Variants in CNR2 observed in about 807,000 individuals in gnomAD.
The protein encoded by CNR2 is cannabinoid receptor 2 (macrophage).
For missense variants in CNR2, 379 were observed against 439.9 expected, an observed-to-expected ratio of 0.86 and a Z score of 1.24; for synonymous variants, 172 against 182.2, an observed-to-expected ratio of 0.94 and a Z score of 0.45.
intron 1 of CNR2, among the ~76,000 whole-genome samples, chr1:23,912,405 T>C (rs1457859374): frequency 1.3e-5 from 2 of 152,186 alleles, no homozygotes; most frequent in African/African-American, 4.8e-5. Context: ...TGCCAGCCCC[T>C]GTCATTTCCT....
chr1:23,893,136 C>T lies in CNR2; in HGVS notation c.-45-17474G>A, dbSNP rs533535298. Among the ~76,000 whole-genome samples the T allele has an allele frequency of 8.5e-5, 13 of 152,272 alleles. No homozygotes were observed. The South Asian group carries it at 2.7e-3, about 32-fold the overall frequency. On this transcript the variant is annotated intron_variant, in intron 1 of 1. Transcript: ENST00000374472. ...GGGTTATCAAAGAAACTCAGTCTTC[C>T]CTGTGGGGCCGAAGGATTCCATCCC...
chr1:23,886,804 A>G (rs1434354618), intron 1 of CNR2, among the ~76,000 whole-genome samples: 1 of 152,274 alleles, frequency 6.6e-6, no homozygotes, highest in Admixed American at 6.5e-5. Context: ...TTATCCACAT[A>G]TCCCGAGTCA....
At chr1:23,899,916 A>G (rs1408542861) in intron 1 of CNR2, among the ~76,000 whole-genome samples, 2 of 4,296 alleles carry the variant, frequency 4.7e-4, no homozygotes, top group African/African-American at 5.4e-4. Flanking sequence ...AGAGAAAGAA[A>G]GAAAGAGAAA....
chr1:23,894,789 G>A (rs1037912526), intron 1 of CNR2, among the ~76,000 whole-genome samples: 20 of 151,368 alleles, frequency 1.3e-4, no homozygotes, highest in African/African-American at 4.8e-4. Flanking sequence ...AAGAAAGAAA[G>A]AAAAAGAAAC....
At chr1:23,884,982 A>G (rs1426583127) in intron 1 of CNR2, among the ~76,000 whole-genome samples, 2 of 151,990 alleles carry the variant, frequency 1.3e-5, no homozygotes, top group African/African-American at 4.8e-5. Context: ...TTGTGTTTTT[A>G]GTAGAGGTGG....
rs1639851654 is a variant in CNR2, at chr1:23,875,254, C to T, written c.364G>A (p.Gly122Ser). ...TCAATGGCGGTCAGCAGGAGGCTAC[C>T]CACAGAGGCTGTGAAGGTCATAGTC... Reference protein sequence around the residue: ...SVTMTFTASVGSLLLTAIDRY... With the variant: ...SVTMTFTASVSSLLLTAIDRY... Residue 122 changes from glycine to serine, a missense_variant, in exon 2 of 2, where the codon GGT (glycine) becomes AGT (serine). Physicochemically the swap from Gly to Ser is moderately conservative, Grantham distance 56. Coordinates refer to ENST00000374472, the MANE Select transcript of CNR2 (RefSeq NM_001841.3). 5 of 1,613,988 alleles carry T rather than the reference C, an allele frequency of 3.1e-6. No homozygotes were observed. Among genetic ancestry groups the T allele is most frequent in the Admixed American group, 3.3e-5 (2 of 59,992 alleles).
At chr1:23,912,131 T>C (rs887248543) in intron 1 of CNR2, among the ~76,000 whole-genome samples, 1 of 152,144 alleles carries the variant, frequency 6.6e-6, no homozygotes, top group African/African-American at 2.4e-5. Flanking sequence ...CTCAGGCCCA[T>C]GTTTCTCAGA....
chr1:23,910,472 T>C (rs888263905), intron 1 of CNR2, among the ~76,000 whole-genome samples: 8 of 151,270 alleles, frequency 5.3e-5, no homozygotes, highest in African/African-American at 1.7e-4. Context: ...CTGGCCAACA[T>C]GCAGAAACCC....
chr1:23,897,989 T>C (rs941547082), intron 1 of CNR2, among the ~76,000 whole-genome samples: 1 of 152,064 alleles, frequency 6.6e-6, no homozygotes, highest in African/African-American at 2.4e-5. Flanking sequence ...CCTTTTCTGT[T>C]GTTGTTCAAA....
At chr1:23,898,335 CTTT>C (rs557452268) in intron 1 of CNR2, among the ~76,000 whole-genome samples, 10 of 108,186 alleles carry the variant, frequency 9.2e-5, no homozygotes, top group African/African-American at 1.5e-4. Flanking sequence ...CCGCGCCCGG[CTTT>C]TTTTTTTTTT....
intron 1 of CNR2, among the ~76,000 whole-genome samples, chr1:23,901,282 T>A (rs1253474451): frequency 6.6e-6 from 1 of 152,110 alleles, no homozygotes; most frequent in Non-Finnish European, 1.5e-5. Flanking sequence ...GTACCAGAGA[T>A]GCCTAAGACT....
rs1299861030 is a variant in CNR2, at chr1:23,875,101, T to C, written c.517A>G (p.Thr173Ala). Residue 173 changes from threonine to alanine, a missense_variant, in exon 2 of 2, where the codon ACT becomes GCT. By Grantham distance (58) the Thr-to-Ala change is moderately conservative. Transcript: ENST00000374472. ...LVSYLPLMGW[T>A]CCPRPCSELF... ...TCAGAGCAGGGCCTGGGACAGCAAG[T>C]CCATCCCATGAGGGGCAGGTAGGAG... 6.2e-7 allele frequency: 1 copy of C among 1,601,262 alleles called. No individual in the cohort carries two copies. Among genetic ancestry groups the C allele is most frequent in the Admixed American group, 1.7e-5 (1 of 59,122 alleles).
intron 1 of CNR2, among the ~76,000 whole-genome samples, chr1:23,898,920 T>C (rs1640335826): frequency 6.6e-6 from 1 of 152,120 alleles, no homozygotes; most frequent in South Asian, 2.1e-4. Context: ...ACCAAAGTGC[T>C]GGGATAACAG....
intron 1 of CNR2, among the ~76,000 whole-genome samples, chr1:23,880,207 T>C (rs1639955981): frequency 1.3e-5 from 1 of 75,960 alleles, no homozygotes; most frequent in Admixed American, 1.7e-4. Flanking sequence ...AGACGGAGTC[T>C]CACTCTGTCA....
At chr1:23,897,251 A>T (rs1640301015) in intron 1 of CNR2, among the ~76,000 whole-genome samples, 1 of 152,068 alleles carries the variant, frequency 6.6e-6, no homozygotes, top group African/African-American at 2.4e-5. Context: ...GGGGCAGAAA[A>T]CAGGGGTGTT....
chr1:23,898,335 CTTTTTTTTTT>C (rs557452268), intron 1 of CNR2, among the ~76,000 whole-genome samples: 3 of 108,226 alleles, frequency 2.8e-5, no homozygotes, highest in Non-Finnish European at 1.8e-5. Flanking sequence ...CCGCGCCCGG[CTTTTTTTTTT>C]TTTTTTTTTT....
At chr1:23,889,192 G>C (rs984356777) in intron 1 of CNR2, among the ~76,000 whole-genome samples, 1 of 152,126 alleles carries the variant, frequency 6.6e-6, no homozygotes, top group African/African-American at 2.4e-5. Context: ...CTCAGAAAAG[G>C]TGTGCCTGGG....
intron 1 of CNR2, among the ~76,000 whole-genome samples, chr1:23,912,818 C>T (rs372086280): frequency 1.1e-4 from 17 of 152,290 alleles, no homozygotes; most frequent in African/African-American, 4.1e-4. Context: ...CTATCCCCTG[C>T]CCCAGACAGG....
chr1:23,909,797 G>A (rs1640554147), intron 1 of CNR2, among the ~76,000 whole-genome samples: 1 of 152,108 alleles, frequency 6.6e-6, no homozygotes, highest in African/African-American at 2.4e-5. Flanking sequence ...CCCTGATCAT[G>A]AGTCCCCGAG....
Sources: gnomAD v4.1 joint callset for allele counts (sites outside exome capture counted in the v4.1 genomes callset) on GRCh38, gnomAD v4.1.1 for gene constraint, MANE v1.5 for transcripts, NCBI Gene and HGNC (gene_info 2026-07-23, HGNC 2026-07-21) for gene names.